Variants in PTPN13 observed in about 807,000 individuals in gnomAD.
PTPN13 encodes protein tyrosine phosphatase non-receptor type 13.
A neutral mutation model predicts 284.0 loss-of-function variants in PTPN13; 191 were observed. That is an observed-to-expected ratio of 0.67 (90% CI 0.60 to 0.76). The LOEUF (loss-of-function observed/expected upper bound fraction) is 0.76. PTPN13 is among the 30% of genes least tolerant of loss of function. The probability of loss-of-function intolerance (pLI) is 0.00; values close to 1 mark genes in which losing one functional copy is unlikely to be tolerated. For missense variants in PTPN13, 2,797 were observed against 2,939.9 expected (o/e 0.95, Z 1.12); for synonymous variants, 986 against 1,022.3 (o/e 0.96, Z 0.68).
rs544958764 is a variant in PTPN13, at chr4:86,669,915, T to C, written c.116-2450T>C. On this transcript the variant is annotated intron_variant, in intron 2 of 47. Transcript: ENST00000411767. ...CATGACAGTTAGAATCCCAGCTTCC[T>C]AACTTAGATTCGGGACTTAGGTACT... is the stretch of plus-strand genomic sequence containing the variant. Among the ~76,000 whole-genome samples, 7 of 152,214 alleles carry C rather than the reference T, an allele frequency of 4.6e-5. No individual in the cohort carries two copies. In the East Asian group the frequency reaches 1.2e-3, roughly 25 times the overall value.
Position 86,758,360 on chromosome 4 carries a change from G to C in PTPN13, c.3313+11G>C, listed in dbSNP as rs71605616. ...CAAAGTATGGCTTGGGTAAGTCACC[G>C]TGAGATTCTTGAAGGTCTATGATTG... On this transcript the variant is annotated intron_variant, in intron 21 of 47. Transcript: ENST00000411767. 0.12 allele frequency: 188,509 copies of C among 1,579,702 alleles called. 12,082 individuals are homozygous for C. The highest frequency in any genetic ancestry group is 0.17 in the Middle Eastern group (1,022 of 6,002).
At chr4:86,798,926 C>G (rs1743667432) in intron 41 of PTPN13, among the ~76,000 whole-genome samples, 175 bp from the exon 42 acceptor site, 1 of 152,154 alleles carries the variant, frequency 6.6e-6, no homozygotes, top group South Asian at 2.1e-4. Context: ...TGTATTAAAC[C>G]ATTCTACATC....
intron 2 of PTPN13, among the ~76,000 whole-genome samples, chr4:86,635,608 T>C (rs748501084): frequency 1.5e-4 from 23 of 152,292 alleles, no homozygotes; most frequent in Non-Finnish European, 2.1e-4. Context: ...GTAATGGTGA[T>C]TGAAACCGAA....
chr4:86,813,144 T>C (rs779365558), intron 47 of PTPN13, among the ~76,000 whole-genome samples: 19 of 152,176 alleles, frequency 1.2e-4, no homozygotes, highest in Non-Finnish European at 2.1e-4. Context: ...TTTTAGGAGA[T>C]GTTCTTATAT....
At chr4:86,618,758 G>T (rs572040828) in intron 1 of PTPN13, among the ~76,000 whole-genome samples, 2 of 152,306 alleles carry the variant, frequency 1.3e-5, no homozygotes, top group African/African-American at 4.8e-5. Context: ...GAATACTTGT[G>T]ATTTTTGTAC....
intron 23 of PTPN13, among the ~76,000 whole-genome samples, chr4:86,761,777 T>G (rs1738728071): frequency 6.6e-6 from 1 of 152,260 alleles, no homozygotes; most frequent in Non-Finnish European, 1.5e-5. Context: ...TAGCAACTCT[T>G]TGTATATTAG....
chr4:86,630,057 C>T (rs1218456720), intron 1 of PTPN13, among the ~76,000 whole-genome samples: 1 of 152,100 alleles, frequency 6.6e-6, no homozygotes, highest in East Asian at 1.9e-4. Context: ...TAAGTCACTG[C>T]ACCTGGCCAT....
chr4:86,619,628 A>G (rs1183508585), intron 1 of PTPN13, among the ~76,000 whole-genome samples: 1 of 152,192 alleles, frequency 6.6e-6, no homozygotes, highest in Non-Finnish European at 1.5e-5. Context: ...TGTTTTCTCT[A>G]ACATCTCTGA....
In PTPN13 at chr4:86,763,193, A is replaced by G. The variant is rs1264814666; in HGVS notation, c.4017+3A>G. ...AGGATCATCAAACACCAAAACAGGC[A>G]TAGTTTAATTTTAATATTTTGGTTT... On this transcript the variant is annotated splice_donor_region_variant and intron_variant, in intron 24 of 47. Coordinates refer to ENST00000411767, the MANE Select transcript of PTPN13 (RefSeq NM_080683.3). 1 of 1,598,674 alleles carries G rather than the reference A, an allele frequency of 6.3e-7. No homozygotes were observed. The highest frequency in any genetic ancestry group is 1.8e-5 in the Admixed American group (1 of 56,374).
Position 86,771,465 on chromosome 4 carries a change from C to A in PTPN13, c.5098C>A (p.Gln1700Lys), listed in dbSNP as rs1289369451. 2 of 1,565,424 alleles carry A rather than the reference C, an allele frequency of 1.3e-6. No homozygotes were observed. Among genetic ancestry groups the A allele is most frequent in the East Asian group, 2.3e-5 (1 of 42,802 alleles). ...AQSHHEAPKS[Q>K]EDTICTMFYY... is the part of the protein sequence containing the mutation. ...GAGTCATCATGAAGCACCCAAGAGT[C>A]AAGAAGATACCATTTGTACCATGTT... The change falls in exon 31 of 48, where the codon CAA (glutamine) becomes AAA (lysine). Residue 1700 changes from glutamine (Q) to lysine (K), a missense_variant. Transcript: ENST00000411767.
chr4:86,799,336 T>C, intron 42 of PTPN13, 132 bp downstream of exon 42: 4 of 527,974 alleles, frequency 7.6e-6, no homozygotes, highest in African/African-American at 2.1e-5. Context: ...TTTTTTTTCT[T>C]TTTTTGAGAC....
chr4:86,594,396 G>A lies in PTPN13; in HGVS notation c.-399G>A, dbSNP rs1763388929. ...GGAGACCGTCGTGCTGGCGAGCCGT[G>A]CTCCGTAGCTCCCCGGTCCGCCTCG... On this transcript the variant is annotated 5_prime_UTR_variant, in exon 1 of 48. Transcript: ENST00000411767. 6.6e-6 allele frequency: 1 copy of A among 152,334 alleles called. No individual in the cohort carries two copies. The highest frequency in any genetic ancestry group is 2.1e-4 in the South Asian group (1 of 4,836). The allele number at this position is 152,334 out of a possible 1,614,324, so 9.4% of individuals were successfully genotyped here.
At chr4:86,709,365 A>G (rs79391476) in intron 7 of PTPN13, among the ~76,000 whole-genome samples, 29,997 of 152,022 alleles carry the variant, frequency 0.2, 3,425 homozygotes, top group East Asian at 0.29. Context: ...ATTTGGCCTT[A>G]TCTAATTCAT....
intron 1 of PTPN13, among the ~76,000 whole-genome samples, chr4:86,607,600 C>A (rs1345825500): frequency 6.6e-6 from 1 of 151,884 alleles, no homozygotes; most frequent in African/African-American, 2.4e-5. Context: ...CAAGCCTGTC[C>A]TACTCCAGTC....
At chr4:86,732,067 C>CT (rs898784940) in intron 10 of PTPN13, among the ~76,000 whole-genome samples, 40 of 152,000 alleles carry the variant, frequency 2.6e-4, no homozygotes, top group African/African-American at 9.2e-4. Context: ...TCTTCAAGAC[C>CT]TTTTTTTTGA....
intron 35 of PTPN13, among the ~76,000 whole-genome samples, chr4:86,777,082 T>A (rs1418579522): frequency 6.6e-6 from 1 of 152,228 alleles, no homozygotes; most frequent in Non-Finnish European, 1.5e-5. Flanking sequence ...TCACTTATAA[T>A]GGAAACAGAT....
chr4:86,655,014 T>C (rs961865253), intron 2 of PTPN13, among the ~76,000 whole-genome samples: 11 of 152,220 alleles, frequency 7.2e-5, no homozygotes, highest in African/African-American at 2.4e-4. Context: ...TTTGTCTCTT[T>C]TGATCTTTGT....
chr4:86,605,386 G>T (rs889812614), intron 1 of PTPN13, among the ~76,000 whole-genome samples: 1 of 151,916 alleles, frequency 6.6e-6, no homozygotes, highest in Non-Finnish European at 1.5e-5. Context: ...GATTCATAGG[G>T]TCAGAACATT....
At chr4:86,595,879 C>A in intron 1 of PTPN13, 1 of 530,514 alleles carries the variant, frequency 1.9e-6, no homozygotes. Flanking sequence ...TATTATGAAA[C>A]AAGCTTAGGT....
Sources: allele counts gnomAD v4.1 joint callset (sites outside exome capture counted in the v4.1 genomes callset), GRCh38; gene constraint gnomAD v4.1.1; transcripts MANE v1.5; gene names NCBI Gene and HGNC (gene_info 2026-07-23, HGNC 2026-07-21).